Variants in DHX32 observed in about 807,000 individuals in gnomAD.
DHX32 encodes the protein DEAH-box helicase 32 (putative), also known as putative pre-mRNA-splicing factor ATP-dependent RNA helicase DHX32.
In DHX32, 51 loss-of-function variants were observed where a neutral mutation model predicts 70.0. That is an observed-to-expected ratio of 0.73 (90% CI 0.58 to 0.92). The LOEUF (loss-of-function observed/expected upper bound fraction) is 0.92. Ranked by LOEUF, DHX32 falls within the 40% of genes least tolerant of loss-of-function variation. DHX32 has a pLI of 0.00. For synonymous variants in DHX32, 310 were observed against 315.3 expected, an observed-to-expected ratio of 0.98 and a Z score of 0.18; for missense variants, 762 against 891.8, an observed-to-expected ratio of 0.85 and a Z score of 1.85.
chr10:125,849,609 G>A (rs112162771), intron 6 of DHX32, among the ~76,000 whole-genome samples: 2,232 of 152,256 alleles, frequency 0.015, 56 homozygotes, highest in African/African-American at 0.051. Context: ...TCGACTCTCT[G>A]GGCTGTTTGG....
chr10:125,864,993 A>G (rs1158431178), intron 2 of DHX32, among the ~76,000 whole-genome samples: 1 of 149,818 alleles, frequency 6.7e-6, no homozygotes, highest in East Asian at 2.0e-4. Flanking sequence ...ATCTGATTCC[A>G]TATCATGACA....
At chr10:125,875,332 T>C in intron 1 of DHX32, among the ~76,000 whole-genome samples, 1 of 150,694 alleles carries the variant, frequency 6.6e-6, no homozygotes, top group African/African-American at 2.4e-5. Context: ...AAAAAAAAAA[T>C]GGTTTCTACA....
upstream of DHX32, among the ~76,000 whole-genome samples, chr10:125,884,233 C>T (rs1050362706): frequency 2.6e-5 from 4 of 152,194 alleles, no homozygotes; most frequent in African/African-American, 9.7e-5. Flanking sequence ...CCTTATTCAT[C>T]TTGCAACTGG....
At chr10:125,892,827 T>C (rs1292741736) in intron 1 of DHX32, among the ~76,000 whole-genome samples, 1 of 152,280 alleles carries the variant, frequency 6.6e-6, no homozygotes, top group Non-Finnish European at 1.5e-5. Flanking sequence ...CAGACAACCA[T>C]TGCAGGTTTT....
chr10:125,853,053 C>T, intron 4 of DHX32: 1 of 1,122,620 alleles, frequency 8.9e-7, no homozygotes, highest in Non-Finnish European at 1.3e-6. Flanking sequence ...CTTTACAACA[C>T]ATACTGAGAG....
intron 1 of DHX32, among the ~76,000 whole-genome samples, chr10:125,886,575 T>A (rs1401933805): frequency 6.6e-6 from 1 of 152,300 alleles, no homozygotes; most frequent in Admixed American, 6.5e-5. Context: ...TTTATGTGAC[T>A]TTTTTGTTCC....
intron 1 of DHX32, among the ~76,000 whole-genome samples, chr10:125,887,602 CT>C (rs1944347201): frequency 6.6e-6 from 1 of 151,798 alleles, no homozygotes; most frequent in African/African-American, 2.4e-5. Flanking sequence ...AGGTTACAGT[CT>C]TTTCTTTATT....
chr10:125,853,931 A>G (rs779378261), intron 4 of DHX32, 30 bp downstream of exon 4: 2 of 1,597,338 alleles, frequency 1.3e-6, no homozygotes, highest in Non-Finnish European at 1.7e-6. Context: ...AACGATCAGC[A>G]GTCTGTTTAG....
chr10:125,886,639 T>C (rs1318801578), intron 1 of DHX32, among the ~76,000 whole-genome samples: 32 of 152,408 alleles, frequency 2.1e-4, no homozygotes, highest in African/African-American at 7.2e-4. Context: ...TCTTTAAGAC[T>C]CACAAACCCA....
At chr10:125,877,702 A>G (rs1264483442) in intron 1 of DHX32, among the ~76,000 whole-genome samples, 1 of 152,172 alleles carries the variant, frequency 6.6e-6, no homozygotes, top group African/African-American at 2.4e-5. Flanking sequence ...AATAATAGTG[A>G]TAATAAAATA....
intron 8 of DHX32, 63 bp downstream of exon 8, chr10:125,840,784 G>A (rs1036938988): frequency 6.7e-7 from 1 of 1,494,664 alleles, no homozygotes; most frequent in Non-Finnish European, 9.0e-7. Flanking sequence ...AACTAATAAG[G>A]ACTCAGACTT....
chr10:125,883,556 C>T (rs1944329533), upstream of DHX32, among the ~76,000 whole-genome samples: 4 of 152,150 alleles, frequency 2.6e-5, no homozygotes, highest in Admixed American at 2.6e-4. Flanking sequence ...CCTAAGATGC[C>T]CCAGCCCAGT....
At chr10:125,881,313 C>A (rs909838418), upstream of DHX32, 3 of 153,390 alleles carry the variant, frequency 2.0e-5, no homozygotes, top group African/African-American at 7.2e-5. Flanking sequence ...GTGCTCTCTG[C>A]CTGACCTCTA....
chr10:125,890,731 C>A (rs1295286047), intron 1 of DHX32: 3 of 152,194 alleles, frequency 2.0e-5, no homozygotes, highest in African/African-American at 7.2e-5. Context: ...ACCAACCCTG[C>A]ACAATCAAAT....
intron 1 of DHX32, among the ~76,000 whole-genome samples, chr10:125,868,172 T>G (rs1944234882): frequency 2.0e-5 from 3 of 152,326 alleles, no homozygotes; most frequent in Middle Eastern, 3.4e-3. Context: ...AAAATCCTTT[T>G]TTTTCTAAAA....
At chr10:125,845,539 G>T (rs1223814832) in intron 6 of DHX32, among the ~76,000 whole-genome samples, 1 of 152,114 alleles carries the variant, frequency 6.6e-6, no homozygotes, top group Non-Finnish European at 1.5e-5. Flanking sequence ...ATAGGGCAGG[G>T]GGTCTCCTGG....
chr10:125,838,394 G>A lies in DHX32; in HGVS notation c.1882-7C>T, dbSNP rs367939455. ...CATCAACATCCCGAGCAATCTGAAA[G>A]GCAGAATTTTAAAGAAAAAAGATTT... On this transcript the variant is annotated splice_polypyrimidine_tract_variant and splice_region_variant and intron_variant, in intron 9 of 10. Transcript: ENST00000284690. 30 of 1,552,784 alleles carry A rather than the reference G, an allele frequency of 1.9e-5. No individual in the cohort carries two copies. In the East Asian group the frequency reaches 4.6e-4, roughly 24 times the overall value.
At chr10:125,840,409 GCACT>G (rs1292709091) in intron 8 of DHX32, among the ~76,000 whole-genome samples, 7 of 152,250 alleles carry the variant, frequency 4.6e-5, no homozygotes, top group Non-Finnish European at 5.9e-5. Context: ...TACCTATTCT[GCACT>G]AGTATCTGGA....
chr10:125,849,937 CA>C (rs1462296890), intron 6 of DHX32, among the ~76,000 whole-genome samples: 1 of 152,040 alleles, frequency 6.6e-6, no homozygotes, highest in Non-Finnish European at 1.5e-5. Context: ...GAAAGATCTG[CA>C]CCATCACAAC....
Sources: allele counts gnomAD v4.1 joint callset (sites outside exome capture counted in the v4.1 genomes callset), GRCh38; gene constraint gnomAD v4.1.1; transcripts MANE v1.5; gene names NCBI Gene and HGNC (gene_info 2026-07-23, HGNC 2026-07-21).